The following CLMN variants were observed in gnomAD, a reference collection of about 807,000 sequenced individuals.
CLMN encodes calmin (calponin-like, transmembrane).
Under a neutral mutation model 92.7 loss-of-function variants are expected in CLMN, and 57 were observed. That is an observed-to-expected ratio of 0.61 (90% CI 0.50 to 0.77). The LOEUF (loss-of-function observed/expected upper bound fraction) is 0.77, where lower values mean the gene tolerates loss of function less well. CLMN is among the 30% of genes least tolerant of loss of function. The probability of loss-of-function intolerance (pLI) is 0.00; values close to 1 mark genes in which losing one functional copy is unlikely to be tolerated. For missense variants in CLMN, 1,158 were observed against 1,237.5 expected (o/e 0.94, Z 0.96); for synonymous variants, 466 against 470.6 (o/e 0.99, Z 0.13).
At chr14:95,267,888 GATC>G (rs1041121505) in intron 1 of CLMN, among the ~76,000 whole-genome samples, 3 of 152,278 alleles carry the variant, frequency 2.0e-5, no homozygotes, top group Non-Finnish European at 4.4e-5. Flanking sequence ...TGAAACTGGA[GATC>G]ATTATGTTAA....
chr14:95,245,627 A>AGTGG (rs1435705756), intron 1 of CLMN, among the ~76,000 whole-genome samples: 2 of 51,122 alleles, frequency 3.9e-5, no homozygotes, highest in Admixed American at 4.9e-4. Context: ...TGGATGGGTG[A>AGTGG]GTGGGTGGAT....
chr14:95,228,688 T>C (rs1897788380), intron 2 of CLMN, among the ~76,000 whole-genome samples: 1 of 152,242 alleles, frequency 6.6e-6, no homozygotes, highest in Non-Finnish European at 1.5e-5. Context: ...TTTGTTTTGT[T>C]TTTTGAGACA....
intron 4 of CLMN, among the ~76,000 whole-genome samples, chr14:95,220,169 CTTTTTTTTTTTTT>C (rs767326601): frequency 1.4e-5 from 1 of 71,796 alleles, no homozygotes; most frequent in African/African-American, 5.9e-5. Flanking sequence ...GGATAGGTCC[CTTTTTTTTTTTTT>C]TTTTTTTTTT....
intron 1 of CLMN, among the ~76,000 whole-genome samples, chr14:95,242,495 A>G (rs542318065): frequency 6.6e-6 from 1 of 151,754 alleles, no homozygotes; most frequent in East Asian, 1.9e-4. Flanking sequence ...CCTGACCTCA[A>G]GTGATCCACC....
intron 2 of CLMN, among the ~76,000 whole-genome samples, chr14:95,228,153 ATTTAT>A (rs1179853490): frequency 2.0e-5 from 3 of 152,130 alleles, no homozygotes; most frequent in Admixed American, 2.0e-4. Context: ...TTCTGTATTT[ATTTAT>A]TTTAATTTTT....
At chr14:95,275,060 C>T (rs1450602938) in intron 1 of CLMN, among the ~76,000 whole-genome samples, 1 of 151,918 alleles carries the variant, frequency 6.6e-6, no homozygotes, top group Admixed American at 6.6e-5. Flanking sequence ...TGGTCTAGCC[C>T]TGGAGGTACA....
At chr14:95,301,893 G>T (rs988469653) in intron 1 of CLMN, among the ~76,000 whole-genome samples, 1 of 152,196 alleles carries the variant, frequency 6.6e-6, no homozygotes, top group Non-Finnish European at 1.5e-5. Context: ...TCCACAACAT[G>T]GTCCCTGAGT....
At chr14:95,253,043 C>T (rs1230635929) in intron 1 of CLMN, among the ~76,000 whole-genome samples, 1 of 152,096 alleles carries the variant, frequency 6.6e-6, no homozygotes, top group Non-Finnish European at 1.5e-5. Context: ...TTTAGGAACC[C>T]CCCTGAACTT....
At chr14:95,309,766 G>A (rs1901449589) in intron 1 of CLMN, among the ~76,000 whole-genome samples, 1 of 152,222 alleles carries the variant, frequency 6.6e-6, no homozygotes, top group Non-Finnish European at 1.5e-5. Context: ...GGGCAGTCCA[G>A]CTGTGCAAAT....
intron 9 of CLMN, among the ~76,000 whole-genome samples, chr14:95,200,642 C>T: frequency 6.6e-6 from 1 of 152,200 alleles, no homozygotes; most frequent in East Asian, 1.9e-4. Context: ...CAGGCACCCC[C>T]CTTCACTGAT....
At chr14:95,263,447 CA>C (rs1899339940) in intron 1 of CLMN, among the ~76,000 whole-genome samples, 1 of 152,182 alleles carries the variant, frequency 6.6e-6, no homozygotes, top group African/African-American at 2.4e-5. Context: ...CCCTATTACC[CA>C]CTGGGGTCTG....
Position 95,275,706 on chromosome 14 carries a change from A to G in CLMN, c.82+44005T>C, listed in dbSNP as rs115269927. The stretch of plus-strand genomic sequence containing the variant: ...TGAAACAGTTTCACTTTCATCACCT[A>G]GACTGCAGTGCAATGGCGTGACGTC... On this transcript the variant is annotated intron_variant, in intron 1 of 12. Transcript: ENST00000298912. Among the ~76,000 whole-genome samples, 852 of 152,302 alleles carry G rather than the reference A, an allele frequency of 5.6e-3. 6 individuals are homozygous for G. Among genetic ancestry groups the G allele is most frequent in the African/African-American group, 0.019 (806 of 41,556 alleles).
chr14:95,229,678 C>T (rs181989330), intron 2 of CLMN, among the ~76,000 whole-genome samples: 8 of 152,198 alleles, frequency 5.3e-5, no homozygotes, highest in Admixed American at 5.2e-4. Context: ...CATTATGTGA[C>T]TTTAGAAGGA....
intron 4 of CLMN, among the ~76,000 whole-genome samples, chr14:95,218,922 TG>T (rs1224023442): frequency 6.6e-6 from 1 of 152,226 alleles, no homozygotes; most frequent in Non-Finnish European, 1.5e-5. Context: ...GCCTCTGCAC[TG>T]CACTCCCTCA....
At chr14:95,211,220 A>G (rs1566869421) in intron 6 of CLMN, among the ~76,000 whole-genome samples, 1 of 152,210 alleles carries the variant, frequency 6.6e-6, no homozygotes, top group Non-Finnish European at 1.5e-5. Context: ...ATAAAAATGG[A>G]ACCAGAAAGA....
intron 1 of CLMN, among the ~76,000 whole-genome samples, chr14:95,306,383 C>T (rs537191269): frequency 8.5e-5 from 13 of 152,194 alleles, no homozygotes; most frequent in Admixed American, 7.8e-4. Flanking sequence ...CATGGTGGTG[C>T]ACGTCTGTAA....
intron 2 of CLMN, 106 bp from the exon 3 acceptor site, chr14:95,223,961 G>A (rs1289980675): frequency 1.3e-6 from 1 of 793,120 alleles, no homozygotes; most frequent in Non-Finnish European, 2.0e-6. Flanking sequence ...CAAACATCCA[G>A]CTCTGTTTAC....
chr14:95,309,123 G>A (rs897581941), intron 1 of CLMN, among the ~76,000 whole-genome samples: 1 of 152,182 alleles, frequency 6.6e-6, no homozygotes, highest in Non-Finnish European at 1.5e-5. Context: ...CTGAAACAGT[G>A]AGGCAGGATT....
chr14:95,227,687 C>A (rs969808378), intron 2 of CLMN, among the ~76,000 whole-genome samples: 2 of 152,158 alleles, frequency 1.3e-5, no homozygotes, highest in African/African-American at 2.4e-5. Flanking sequence ...ATTGAACCTG[C>A]GCCAGGGAAA....
Sources: allele counts gnomAD v4.1 joint callset (sites outside exome capture counted in the v4.1 genomes callset), GRCh38; gene constraint gnomAD v4.1.1; transcripts MANE v1.5; gene names NCBI Gene and HGNC (gene_info 2026-07-23, HGNC 2026-07-21).